The following SNTG2 variants were observed in gnomAD, a reference collection of about 807,000 sequenced individuals.
SNTG2 encodes the protein gamma-2-syntrophin.
Under a neutral mutation model 70.9 loss-of-function variants are expected in SNTG2, and 74 were observed. The ratio of observed to expected loss-of-function variants is 1.04; its 90% CI spans 0.86 to 1.27. The LOEUF (loss-of-function observed/expected upper bound fraction) is 1.27, where lower values mean the gene tolerates loss of function less well. SNTG2 is among the 50% of genes most tolerant of loss of function. The pLI is 0.00. For synonymous variants in SNTG2, 278 were observed against 273.8 expected, an observed-to-expected ratio of 1.02 and a Z score of -0.15; for missense variants, 717 against 690.7, an observed-to-expected ratio of 1.04 and a Z score of -0.43.
At chr2:1,261,004 T>A (rs1003498094) in intron 13 of SNTG2, among the ~76,000 whole-genome samples, 1 of 152,150 alleles carries the variant, frequency 6.6e-6, no homozygotes, top group South Asian at 2.1e-4. Context: ...TATAAAAAAA[T>A]TTTAGTCAGT....
chr2:1,341,247 A>T (rs778443792), intron 16 of SNTG2: 2 of 152,204 alleles, frequency 1.3e-5, no homozygotes. Flanking sequence ...GCTCAGGATG[A>T]TCCCTTTGTT....
In SNTG2 at chr2:1,146,057, G is replaced by A. The variant is rs191705961; in HGVS notation, c.411+8248G>A. Among the ~76,000 whole-genome samples, 39 of 152,114 alleles carry A rather than the reference G, an allele frequency of 2.6e-4. 1 individual carries two copies. Among genetic ancestry groups the A allele is most frequent in the Admixed American group, 1.2e-3 (18 of 15,286 alleles). On this transcript the variant is annotated intron_variant, in intron 6 of 16. Coordinates refer to ENST00000308624, the MANE Select transcript of SNTG2 (RefSeq NM_018968.4). ...CAGTAGAGAAGGACCTCCTTAACTC[G>A]ATAAAGATTAACTGCAAAAAATCCC...
chr2:1,069,281 G>A (rs186804591), intron 1 of SNTG2, among the ~76,000 whole-genome samples: 1 of 151,592 alleles, frequency 6.6e-6, no homozygotes, highest in African/African-American at 2.4e-5. Flanking sequence ...AATATATGAT[G>A]TGGGGCATTA....
At chr2:1,173,566 A>T (rs1250907306) in intron 8 of SNTG2, among the ~76,000 whole-genome samples, 1 of 152,286 alleles carries the variant, frequency 6.6e-6, no homozygotes, top group Non-Finnish European at 1.5e-5. Context: ...TGAACACTGT[A>T]TAATGCAGTG....
intron 1 of SNTG2, among the ~76,000 whole-genome samples, chr2:1,037,669 A>G (rs966437378): frequency 6.6e-6 from 1 of 151,998 alleles, no homozygotes; most frequent in South Asian, 2.1e-4. Context: ...AGGACGTCTG[A>G]TGCTTTATAT....
chr2:1,149,602 A>C (rs2147800288), intron 6 of SNTG2, among the ~76,000 whole-genome samples: 1 of 151,616 alleles, frequency 6.6e-6, no homozygotes, highest in Non-Finnish European at 1.5e-5. Flanking sequence ...TCTATCCACC[A>C]TGTCTTTTCT....
intron 7 of SNTG2, among the ~76,000 whole-genome samples, chr2:1,168,757 A>C (rs970499100): frequency 6.6e-6 from 1 of 152,112 alleles, no homozygotes; most frequent in African/African-American, 2.4e-5. Flanking sequence ...ATCCTCAGAG[A>C]CCACTCCCTC....
At chr2:1,281,220 T>TGC (rs1558175636) in intron 14 of SNTG2, among the ~76,000 whole-genome samples, 1 of 142,998 alleles carries the variant, frequency 7.0e-6, no homozygotes, top group Non-Finnish European at 1.5e-5. Context: ...TGTGTGTGTG[T>TGC]TTGTGTTTAT....
intron 9 of SNTG2, among the ~76,000 whole-genome samples, chr2:1,217,151 A>G (rs939618924): frequency 1.3e-5 from 2 of 152,194 alleles, no homozygotes; most frequent in Non-Finnish European, 2.9e-5. Flanking sequence ...TATAAAGAGT[A>G]GATGCATACT....
chr2:952,764 C>T (rs1660018840), intron 1 of SNTG2, among the ~76,000 whole-genome samples: 1 of 152,164 alleles, frequency 6.6e-6, no homozygotes, highest in Admixed American at 6.5e-5. Context: ...TGTGCTAAGC[C>T]TACCTTAGAC....
At chr2:1,085,143 T>C (rs1483245022) in intron 2 of SNTG2, among the ~76,000 whole-genome samples, 1 of 152,192 alleles carries the variant, frequency 6.6e-6, no homozygotes, top group Admixed American at 6.5e-5. Flanking sequence ...AACCATTATT[T>C]TTTTTCCTCC....
intron 14 of SNTG2, among the ~76,000 whole-genome samples, chr2:1,269,684 A>G (rs1294223007): frequency 1.3e-5 from 2 of 152,230 alleles, no homozygotes; most frequent in Non-Finnish European, 2.9e-5. Flanking sequence ...GCATTGAAAA[A>G]TTAGGCTAAT....
chr2:1,225,144 T>C (rs931827072), intron 9 of SNTG2, among the ~76,000 whole-genome samples: 3 of 152,178 alleles, frequency 2.0e-5, no homozygotes, highest in African/African-American at 7.2e-5. Flanking sequence ...CTTGGGAAAA[T>C]TGGTGAATCT....
intron 1 of SNTG2, among the ~76,000 whole-genome samples, chr2:991,918 G>T (rs1275982922): frequency 6.6e-6 from 1 of 152,148 alleles, no homozygotes; most frequent in Admixed American, 6.5e-5. Context: ...CTGGCAGGGA[G>T]CGCTTGTAAG....
In SNTG2 at chr2:990,822, C is replaced by T. The variant is rs189176323; in HGVS notation, c.72+39754C>T. Among the ~76,000 whole-genome samples, 313 of 150,990 alleles carry T rather than the reference C, an allele frequency of 2.1e-3. 2 individuals are homozygous for T. Among genetic ancestry groups the T allele is most frequent in the Middle Eastern group, 0.01 (3 of 292 alleles). The stretch of plus-strand genomic sequence containing the variant: ...ATATCATTCCTAATTCTGGAAATGC[C>T]GTCCTAAGTCAGAGGGAAAAGTTGG... On this transcript the variant is annotated intron_variant, in intron 1 of 16. Transcript: ENST00000308624.
At chr2:1,238,278 C>G (rs1676817683) in intron 10 of SNTG2, among the ~76,000 whole-genome samples, 1 of 152,170 alleles carries the variant, frequency 6.6e-6, no homozygotes, top group Non-Finnish European at 1.5e-5. Context: ...CTCTGTCTCT[C>G]TCCCTCCCTT....
At chr2:1,008,545 A>T (rs1339503250) in intron 1 of SNTG2, among the ~76,000 whole-genome samples, 1 of 152,202 alleles carries the variant, frequency 6.6e-6, no homozygotes, top group East Asian at 1.9e-4. Flanking sequence ...GCATTAAAAC[A>T]TGCATGAATT....
At chr2:1,262,788 T>TAACCGGAAGGCTCCGTCCAGACGAGGC (rs1558611204) in intron 13 of SNTG2, 7 of 103,234 alleles carry the variant, frequency 6.8e-5, no homozygotes, top group African/African-American at 3.4e-4. Context: ...GCAGACGAGG[T>TAACCGGAAGGCTCCGTCCAGACGAGGC]AACCGGAAGG....
intron 8 of SNTG2, among the ~76,000 whole-genome samples, chr2:1,208,147 G>A (rs1673768865): frequency 6.6e-6 from 1 of 152,206 alleles, no homozygotes; most frequent in Non-Finnish European, 1.5e-5. Context: ...CAGGGCTGGT[G>A]CTTCCCGTGG....
Sources: gnomAD v4.1 joint callset for allele counts (sites outside exome capture counted in the v4.1 genomes callset) on GRCh38, gnomAD v4.1.1 for gene constraint, MANE v1.5 for transcripts, NCBI Gene and HGNC (gene_info 2026-07-23, HGNC 2026-07-21) for gene names.